The following CPXM2 variants were observed in gnomAD, a reference collection of about 807,000 sequenced individuals.
CPXM2 encodes the protein inactive carboxypeptidase-like protein X2.
Under a neutral mutation model 86.1 loss-of-function variants are expected in CPXM2, and 66 were observed. The observed-to-expected ratio is 0.77, with a 90% confidence interval of 0.63 to 0.94. The LOEUF is 0.94. Among genes scored for constraint, CPXM2 ranks in the 40% least tolerant of loss-of-function variants. The pLI is 0.00. For missense variants in CPXM2, 948 were observed against 1,026.3 expected, an observed-to-expected ratio of 0.92 and a Z score of 1.04; for synonymous variants, 388 against 400.2, an observed-to-expected ratio of 0.97 and a Z score of 0.36.
intron 1 of CPXM2, among the ~76,000 whole-genome samples, chr10:123,939,782 G>A (rs995118969): frequency 6.6e-6 from 1 of 152,168 alleles, no homozygotes; most frequent in Non-Finnish European, 1.5e-5. Flanking sequence ...AGTCTGCCAT[G>A]AGAATCCCTG....
intron 4 of CPXM2, among the ~76,000 whole-genome samples, chr10:123,822,360 A>G (rs1001732659): frequency 6.6e-6 from 1 of 152,210 alleles, no homozygotes; most frequent in African/African-American, 2.4e-5. Flanking sequence ...AGGTAGAGGG[A>G]GTGTGCCAGG....
At chr10:123,826,208 C>A (rs967940389) in intron 4 of CPXM2, among the ~76,000 whole-genome samples, 1 of 152,190 alleles carries the variant, frequency 6.6e-6, no homozygotes, top group African/African-American at 2.4e-5. Flanking sequence ...AACTTCTTCA[C>A]TGCTAAGCTT....
intron 2 of CPXM2, among the ~76,000 whole-genome samples, chr10:123,924,941 G>A (rs944509436): frequency 9.2e-5 from 14 of 151,906 alleles, no homozygotes; most frequent in African/African-American, 2.4e-4. Context: ...CCTTATTGAC[G>A]AGAAAATTCC....
chr10:123,760,212 C>T (rs1036680695), intron 11 of CPXM2, among the ~76,000 whole-genome samples: 10 of 152,252 alleles, frequency 6.6e-5, no homozygotes, highest in South Asian at 2.1e-4. Context: ...ACCAACACTG[C>T]GGAATCCAGG....
At chr10:123,931,729 A>C (rs1246335724) in intron 2 of CPXM2, 1 of 152,236 alleles carries the variant, frequency 6.6e-6, no homozygotes, top group African/African-American at 2.4e-5. Flanking sequence ...TAGATGCAGT[A>C]ATTATTACAT....
At chr10:123,747,393 G>A (rs1564747225) in intron 13 of CPXM2, among the ~76,000 whole-genome samples, 1 of 152,166 alleles carries the variant, frequency 6.6e-6, no homozygotes, top group Non-Finnish European at 1.5e-5. Flanking sequence ...AGGGCCTCCT[G>A]GCTTCCTTAG....
chr10:123,823,748 A>C (rs979654145), intron 4 of CPXM2, among the ~76,000 whole-genome samples: 2 of 152,206 alleles, frequency 1.3e-5, no homozygotes, highest in East Asian at 3.8e-4. Context: ...GTGGAATGTC[A>C]GAAGATGATA....
intron 1 of CPXM2, among the ~76,000 whole-genome samples, chr10:123,886,468 T>TC (rs1945179974): frequency 6.6e-6 from 1 of 152,122 alleles, no homozygotes. Flanking sequence ...TTTGGTTATT[T>TC]CCCCCTGCAA....
chr10:123,856,091 C>G lies in CPXM2; in HGVS notation c.513+6523G>C, dbSNP rs149767256. Among the ~76,000 whole-genome samples, 323 of 152,278 alleles carry G rather than the reference C, an allele frequency of 2.1e-3. 2 individuals carry two copies. The highest frequency in any genetic ancestry group is 7.3e-3 in the African/African-American group (304 of 41,550). On this transcript the variant is annotated intron_variant, in intron 3 of 13. Transcript: ENST00000241305. ...GTTTTTCCTTGTGACCTCAAAACAT[C>G]AGCTGTTTCTTCCAAGCTCTGATCT...
At chr10:123,827,368 C>G (rs756947482) in intron 4 of CPXM2, among the ~76,000 whole-genome samples, 1 of 152,032 alleles carries the variant, frequency 6.6e-6, no homozygotes, top group Admixed American at 6.6e-5. Flanking sequence ...GATTGCCCAC[C>G]AAAAGTAAAC....
At chr10:123,866,849 A>C (rs35019835) in intron 2 of CPXM2, among the ~76,000 whole-genome samples, 1 of 152,174 alleles carries the variant, frequency 6.6e-6, no homozygotes, top group Non-Finnish European at 1.5e-5. Context: ...ACAGCAGTAA[A>C]GTCAGCTTCA....
At chr10:123,789,359 C>A (rs1847150127) in intron 6 of CPXM2, among the ~76,000 whole-genome samples, 1 of 152,214 alleles carries the variant, frequency 6.6e-6, no homozygotes, top group South Asian at 2.1e-4. Context: ...CATCTCACGA[C>A]TTCTCCACTG....
chr10:123,911,067 ACCT>A (rs1461940763), intron 2 of CPXM2, among the ~76,000 whole-genome samples: 1 of 152,090 alleles, frequency 6.6e-6, no homozygotes, highest in African/African-American at 2.4e-5. Context: ...CATCCCAAGG[ACCT>A]CATCTTATCT....
chr10:123,751,654 T>G, intron 13 of CPXM2: 1 of 985,348 alleles, frequency 1.0e-6, no homozygotes, highest in Non-Finnish European at 1.2e-6. Context: ...CCAGCTTCCC[T>G]CCCTGTGGAA....
At chr10:123,781,130 C>T (rs1438576673) in intron 6 of CPXM2, among the ~76,000 whole-genome samples, 1 of 152,202 alleles carries the variant, frequency 6.6e-6, no homozygotes, top group African/African-American at 2.4e-5. Context: ...TAAAGAACCC[C>T]CTTTGCAGCT....
Position 123,775,136 on chromosome 10 carries a change from CT to C in CPXM2, c.979-4098del, listed in dbSNP as rs1423014300. 3.3e-5 allele frequency among the ~76,000 whole-genome samples: 5 copies of C among 152,276 alleles called. No homozygotes were observed. The East Asian group carries it at 5.8e-4, about 18-fold the overall frequency. On this transcript the variant is annotated intron_variant, in intron 7 of 13. Transcript: ENST00000241305. ...GCCTTTCAGGGCTCTTCCCTTACCC[CT>C]ATCTGTCCATGAAGGTGTAGTAGAG...
At chr10:123,898,976 C>T (rs1945360623) in intron 2 of CPXM2, among the ~76,000 whole-genome samples, 1 of 152,144 alleles carries the variant, frequency 6.6e-6, no homozygotes, top group Non-Finnish European at 1.5e-5. Context: ...TCTCGAACTC[C>T]TGACCTCAGG....
intron 4 of CPXM2, among the ~76,000 whole-genome samples, chr10:123,835,101 A>C (rs1335049184): frequency 6.6e-6 from 1 of 152,242 alleles, no homozygotes; most frequent in African/African-American, 2.4e-5. Context: ...CTATAGCAAC[A>C]CCAATGGACT....
chr10:123,749,589 C>A (rs1160410782), intron 13 of CPXM2, among the ~76,000 whole-genome samples: 1 of 152,180 alleles, frequency 6.6e-6, no homozygotes, highest in Admixed American at 6.5e-5. Context: ...TCTGGGGTCC[C>A]AGTTCCTGCC....
Sources: gnomAD v4.1 joint callset for allele counts (sites outside exome capture counted in the v4.1 genomes callset) on GRCh38, gnomAD v4.1.1 for gene constraint, MANE v1.5 for transcripts, NCBI Gene and HGNC (gene_info 2026-07-23, HGNC 2026-07-21) for gene names.